The following GLUD1 variants were observed in gnomAD, a reference collection of about 807,000 sequenced individuals.
GLUD1 encodes the protein glutamate dehydrogenase 1, also known as glutamate dehydrogenase 1, mitochondrial.
A neutral mutation model predicts 56.0 loss-of-function variants in GLUD1; 22 were observed. The ratio of observed to expected loss-of-function variants is 0.39; its 90% CI spans 0.28 to 0.56. GLUD1 has a LOEUF of 0.56. Among genes scored for constraint, GLUD1 ranks in the 20% least tolerant of loss-of-function variants. The pLI, the probability that GLUD1 is intolerant of heterozygous loss-of-function variation, is 0.58. For synonymous variants in GLUD1, 223 were observed against 269.9 expected, an observed-to-expected ratio of 0.83 and a Z score of 1.70; for missense variants, 451 against 732.0, an observed-to-expected ratio of 0.62 and a Z score of 4.43.
chr10:87,084,173 A>C (rs1841329732), intron 1 of GLUD1, among the ~76,000 whole-genome samples: 1 of 152,246 alleles, frequency 6.6e-6, no homozygotes, highest in South Asian at 2.1e-4. Context: ...AGGGCAGGGG[A>C]TAGAATGACG....
chr10:87,051,474 C>G lies in GLUD1; in HGVS notation c.*277G>C, dbSNP rs1196694941. 1 of 474,670 alleles carries G rather than the reference C, an allele frequency of 2.1e-6. No homozygotes were observed. The allele number at this position is 474,670 out of a possible 1,614,324, so 29.4% of individuals were successfully genotyped here. On this transcript the variant is annotated 3_prime_UTR_variant, in exon 13 of 13. Coordinates refer to ENST00000277865, the MANE Select transcript of GLUD1 (RefSeq NM_005271.5). ...TGTTGGGAAAAGCCACAGAGCAAGG[C>G]TGCACAGCCAGATAAAGGAGGCTTT...
rs1845639814 is a variant in GLUD1, at chr10:87,051,879, A to G, written c.1558-9T>C. 2 of 1,614,062 alleles carry G rather than the reference A, an allele frequency of 1.2e-6. No individual in the cohort carries two copies. The highest frequency in any genetic ancestry group is 1.7e-6 in the Non-Finnish European group (2 of 1,180,014). ...GCTGTGCGCATAATTTGCTGAAATG[A>G]AAGAGAAAATGCAGTGAAGATGATC... On this transcript the variant is annotated splice_polypyrimidine_tract_variant and intron_variant, in intron 12 of 12. Coordinates refer to ENST00000277865, the MANE Select transcript of GLUD1 (RefSeq NM_005271.5).
chr10:87,080,898 C>T (rs1386478113), intron 1 of GLUD1, among the ~76,000 whole-genome samples: 2 of 126,080 alleles, frequency 1.6e-5, no homozygotes, highest in Admixed American at 1.6e-4. Flanking sequence ...AGGTGAGGGG[C>T]GCCTCTGCCC....
intron 5 of GLUD1, among the ~76,000 whole-genome samples, chr10:87,064,156 AC>A (rs1223210271): frequency 6.6e-6 from 1 of 151,790 alleles, no homozygotes; most frequent in Non-Finnish European, 1.5e-5. Context: ...CTCGTGATCC[AC>A]CCGCCTCGGC....
At position 87,094,760 on chromosome 10, in the gene GLUD1, A is replaced by G. The variant is rs776669520; in HGVS notation, c.10T>C (p.Tyr4His). The change falls in exon 1 of 13, where the codon TAC becomes CAC. Residue 4 changes from tyrosine (Y) to histidine (H), a missense_variant. By Grantham distance (83) the Tyr-to-His change is moderately conservative (BLOSUM62 2). Transcript: ENST00000277865. The surrounding 1 kb of genome is among the most constrained non-coding windows in gnomAD (Gnocchi z 6.6). ...GACAGCAACAGCGCTTCGCCCAGGT[A>G]GCGGTACATGGCCACAAGCGGAGGG... Reference protein sequence around the residue: MYRYLGEALLLSRA... With the variant: MYRHLGEALLLSRA... The G allele has an allele frequency of 3.9e-6, 6 of 1,538,488 alleles. No individual in the cohort carries two copies. Among genetic ancestry groups the G allele is most frequent in the African/African-American group, 2.9e-5 (2 of 70,008 alleles).
intron 1 of GLUD1, among the ~76,000 whole-genome samples, chr10:87,082,856 T>C (rs11202326): frequency 0.1 from 15,585 of 152,256 alleles, 944 homozygotes; most frequent in Admixed American, 0.15. Context: ...CAGTTACTCT[T>C]CCTTCTCTGG....
chr10:87,062,849 T>C lies in GLUD1; in HGVS notation c.742-14A>G. The C allele has an allele frequency of 6.2e-7, 1 of 1,611,190 alleles. No homozygotes were observed. ...TGCATTAATATCCTGTAAGAGGGGG[T>C]AATTGAAAGAATGAAATGTCAAGTC... On this transcript the variant is annotated splice_polypyrimidine_tract_variant and intron_variant, in intron 5 of 12. Coordinates refer to ENST00000277865, the MANE Select transcript of GLUD1 (RefSeq NM_005271.5).
At position 87,094,465 on chromosome 10, in the gene GLUD1, AC is replaced by A. The variant is rs1235742490; in HGVS notation, c.304del (p.Val102CysfsTer15). On this transcript the variant is annotated frameshift_variant, in exon 1 of 13. Transcript: ENST00000277865. LOFTEE classifies it high-confidence loss of function. This position sits in a 1 kb window ranked among gnomAD's most constrained non-coding sequence, Gnocchi z 6.6. ...RESEEQKRNR[V>X]RGILRIIKPC... Reference sequence around the variant, plus strand: ...CTTGATGATCCGCAGGATGCCGCGCACCCGGTTCCGCTTCTGCTCCTCGCTC... The same window carrying A: ...CTTGATGATCCGCAGGATGCCGCGCACCGGTTCCGCTTCTGCTCCTCGCTC... 1 of 1,613,442 alleles carries A rather than the reference AC, an allele frequency of 6.2e-7. No homozygotes were observed. Among genetic ancestry groups the A allele is most frequent in the Non-Finnish European group, 8.5e-7 (1 of 1,179,950 alleles).
At position 87,094,243 on chromosome 10, in the gene GLUD1, G is replaced by A; in HGVS notation, c.445+82C>T. ...CAGCTGGGCTGGGCTGGGCTGAGCA[G>A]CGGCCCCGCACCGGCAGGAGGCCGG... On this transcript the variant is annotated intron_variant, in intron 1 of 12. Coordinates refer to ENST00000277865, the MANE Select transcript of GLUD1 (RefSeq NM_005271.5). The surrounding 1 kb of genome is among the most constrained non-coding windows in gnomAD (Gnocchi z 6.6). 6.6e-7 allele frequency: 1 copy of A among 1,506,702 alleles called. No homozygotes were observed. Among genetic ancestry groups the A allele is most frequent in the South Asian group, 1.2e-5 (1 of 80,700 alleles). 93.3% of individuals were successfully genotyped at this position (1,506,702 alleles called of 1,614,324 possible). A position where few individuals can be genotyped will look rare whatever the true frequency, so the allele number is the denominator to read the frequency against.
At chr10:87,060,444 C>T (rs1352701724) in intron 8 of GLUD1, 30 of 652,446 alleles carry the variant, frequency 4.6e-5, no homozygotes, top group South Asian at 7.5e-5. Context: ...TTTTTGTTTG[C>T]TTGTTTTTTT....
At chr10:87,064,178 G>T (rs1846014416) in intron 5 of GLUD1, among the ~76,000 whole-genome samples, 1 of 152,178 alleles carries the variant, frequency 6.6e-6, no homozygotes. Context: ...CTCCCAAAGT[G>T]CTGGGATTAC....
rs1845905107 is a variant in GLUD1 at position 87,060,608 on chromosome 10, AACTCAATCAG to A, written c.1197+70_1197+79del. 1.9e-6 allele frequency: 3 copies of A among 1,541,076 alleles called. No individual in the cohort carries two copies. The Admixed American group carries it at 5.0e-5, about 26-fold the overall frequency. ...ATAAAGCTGCTAAAAAGAAAGAGAA[AACTCAATCAG>A]ACTCTTCTATGACCCCCCTAACGTC... is the stretch of plus-strand genomic sequence containing the variant. On this transcript the variant is annotated intron_variant, in intron 8 of 12. Transcript: ENST00000277865.
In GLUD1 at chr10:87,059,046, C is replaced by T; in HGVS notation, c.1402+104G>A. 3 of 1,310,740 alleles carry T rather than the reference C, an allele frequency of 2.3e-6. No individual in the cohort carries two copies. In the South Asian group the frequency reaches 3.6e-5, roughly 16 times the overall value. 81.2% of individuals were successfully genotyped at this position (1,310,740 alleles called of 1,614,324 possible). ...CAAAATATTATTTTCTTTTCTGAGA[C>T]TCAATTCTTTCCCAAAGGGATCAGT... is the stretch of plus-strand genomic sequence containing the variant. On this transcript the variant is annotated intron_variant, in intron 10 of 12. Coordinates refer to ENST00000277865, the MANE Select transcript of GLUD1 (RefSeq NM_005271.5).
chr10:87,079,714 T>C (rs1841154246), intron 1 of GLUD1, among the ~76,000 whole-genome samples: 1 of 152,016 alleles, frequency 6.6e-6, no homozygotes, highest in South Asian at 2.1e-4. Flanking sequence ...AACAGGCAAA[T>C]CTCAACTATT....
chr10:87,057,819 C>T, intron 10 of GLUD1, 37 bp from the exon 11 acceptor site: 1 of 815,070 alleles, frequency 1.2e-6, no homozygotes, highest in Non-Finnish European at 1.9e-6. Flanking sequence ...ATATTGCTAA[C>T]AGAAAAAAAA....
chr10:87,082,890 C>A (rs964881846), intron 1 of GLUD1, among the ~76,000 whole-genome samples: 1 of 152,170 alleles, frequency 6.6e-6, no homozygotes, highest in Non-Finnish European at 1.5e-5. Flanking sequence ...AGATAACTAT[C>A]AAAAATATAC....
intron 8 of GLUD1, 62 bp downstream of exon 8, chr10:87,060,626 T>C (rs1191693410): frequency 5.6e-6 from 9 of 1,600,100 alleles, no homozygotes; most frequent in South Asian, 4.4e-5. Flanking sequence ...CAGACTCTTC[T>C]ATGACCCCCC....
intron 1 of GLUD1, among the ~76,000 whole-genome samples, chr10:87,086,165 A>G (rs918678157): frequency 2.6e-5 from 4 of 152,228 alleles, no homozygotes; most frequent in Non-Finnish European, 5.9e-5. Context: ...GGACTGCACT[A>G]TTCAAGGGCA....
intron 5 of GLUD1, among the ~76,000 whole-genome samples, chr10:87,064,591 GTTCT>G (rs1846026268): frequency 6.6e-6 from 1 of 152,034 alleles, no homozygotes; most frequent in Admixed American, 6.6e-5. Context: ...AAAGTGATCT[GTTCT>G]TTATCTGTAT....
Sources: gnomAD v4.1 joint callset for allele counts (sites outside exome capture counted in the v4.1 genomes callset) on GRCh38, gnomAD v4.1.1 for gene constraint, Gnocchi (gnomAD v3.1) non-coding constraint, MANE v1.5 for transcripts, NCBI Gene and HGNC (gene_info 2026-07-23, HGNC 2026-07-21) for gene names.